The following KCNMA1 variants were observed in gnomAD, a reference collection of about 807,000 sequenced individuals.
KCNMA1 encodes Calcium-activated potassium channel subunit alpha-1.
In KCNMA1, 29 loss-of-function variants were observed where a neutral mutation model predicts 140.0. The observed-to-expected ratio is 0.21, with a 90% CI of 0.15 to 0.28. KCNMA1 has a LOEUF of 0.28. KCNMA1 is among the 10% of genes least tolerant of loss of function. KCNMA1 has a pLI of 1.00. For synonymous variants in KCNMA1, 612 were observed against 611.9 expected (o/e 1.00, Z 0.00); for missense variants, 880 against 1,602.2 (o/e 0.55, Z 7.70).
chr10:77,476,121 A>G (rs529978827), intron 1 of KCNMA1, among the ~76,000 whole-genome samples: 41 of 152,322 alleles, frequency 2.7e-4, no homozygotes, highest in African/African-American at 9.1e-4. Flanking sequence ...GCAGGAGAGC[A>G]AATGAGTCAA....
chr10:77,344,682 C>A (rs374574125), intron 2 of KCNMA1, among the ~76,000 whole-genome samples: 2 of 151,864 alleles, frequency 1.3e-5, no homozygotes, highest in African/African-American at 2.4e-5. Flanking sequence ...TTCACTAGTC[C>A]TCTCTATCAT....
At chr10:77,369,293 GAA>G (rs2094539488) in intron 2 of KCNMA1, among the ~76,000 whole-genome samples, 1 of 152,154 alleles carries the variant, frequency 6.6e-6, no homozygotes, top group African/African-American at 2.4e-5. Context: ...AAATGACAGT[GAA>G]GTCATCTGGG....
At chr10:77,430,797 A>G (rs956353009) in intron 1 of KCNMA1, among the ~76,000 whole-genome samples, 2 of 152,226 alleles carry the variant, frequency 1.3e-5, no homozygotes, top group African/African-American at 4.8e-5. Context: ...TCTTTGTATC[A>G]ATGCAATACA....
intron 9 of KCNMA1, among the ~76,000 whole-genome samples, chr10:77,101,476 G>A (rs78911051): frequency 1.4e-3 from 209 of 152,236 alleles, no homozygotes; most frequent in African/African-American, 2.7e-3. Flanking sequence ...TATAAAGATC[G>A]GTTATTGGGG....
At chr10:77,320,418 A>G (rs935277343) in intron 2 of KCNMA1, among the ~76,000 whole-genome samples, 4 of 152,248 alleles carry the variant, frequency 2.6e-5, no homozygotes, top group African/African-American at 9.6e-5. Context: ...ACCTAATTGG[A>G]ATGTGGCTCT....
chr10:77,163,207 T>C (rs1359790422), intron 5 of KCNMA1, among the ~76,000 whole-genome samples: 1 of 152,156 alleles, frequency 6.6e-6, no homozygotes, highest in Non-Finnish European at 1.5e-5. Context: ...TTAAAACAGC[T>C]AAAAAAATTA....
At chr10:77,042,039 G>C (rs1271788777) in intron 14 of KCNMA1, among the ~76,000 whole-genome samples, 1 of 152,114 alleles carries the variant, frequency 6.6e-6, no homozygotes, top group Non-Finnish European at 1.5e-5. Context: ...CTCAGTCTGG[G>C]CAATTAGATT....
intron 1 of KCNMA1, among the ~76,000 whole-genome samples, chr10:77,452,750 T>C (rs778386406): frequency 1.3e-5 from 2 of 152,232 alleles, no homozygotes; most frequent in Admixed American, 6.5e-5. Context: ...AGCCTCCATC[T>C]GCTTCTGATG....
rs1430185595 is a variant in KCNMA1 at position 77,037,925 on chromosome 10, A to G, written c.1859+1603T>C. ...TGCCTCTGAATGCTTAACTCCTCTC[A>G]GTGGCAGGAAGAGAAATAGCTCTCA... On this transcript the variant is annotated intron_variant, in intron 15 of 27. Coordinates refer to ENST00000286628, the MANE Select transcript of KCNMA1 (RefSeq NM_001161352.2). Among the ~76,000 whole-genome samples the G allele has an allele frequency of 2.6e-5, 4 of 152,306 alleles. No homozygotes were observed. In the East Asian group the frequency reaches 7.7e-4, roughly 29 times the overall value.
chr10:77,353,812 A>G (rs2154391902), intron 2 of KCNMA1, among the ~76,000 whole-genome samples: 1 of 152,350 alleles, frequency 6.6e-6, no homozygotes, highest in South Asian at 2.1e-4. Context: ...ATGACAGATT[A>G]GAACTCAGGG....
intron 14 of KCNMA1, among the ~76,000 whole-genome samples, chr10:77,048,063 G>A (rs999540543): frequency 2.0e-5 from 3 of 149,858 alleles, no homozygotes; most frequent in Non-Finnish European, 4.4e-5. Flanking sequence ...CAGGAGGATC[G>A]TTTGAGCCCA....
At chr10:77,565,096 C>A (rs1177282704) in intron 1 of KCNMA1, among the ~76,000 whole-genome samples, 2 of 152,156 alleles carry the variant, frequency 1.3e-5, no homozygotes, top group African/African-American at 4.8e-5. Flanking sequence ...AGTGGAAGCC[C>A]CATCAAGGGC....
At chr10:76,957,589 G>C (rs2068905387) in intron 20 of KCNMA1, among the ~76,000 whole-genome samples, 1 of 152,202 alleles carries the variant, frequency 6.6e-6, no homozygotes, top group Non-Finnish European at 1.5e-5. Flanking sequence ...GGGATACAGT[G>C]AGCATATGCA....
intron 1 of KCNMA1, among the ~76,000 whole-genome samples, chr10:77,408,265 G>C (rs151018403): frequency 1.3e-5 from 2 of 152,292 alleles, no homozygotes; most frequent in Non-Finnish European, 2.9e-5. Flanking sequence ...TAGCAAAGGG[G>C]ATATGCAGCC....
At chr10:77,088,498 T>C (rs1219058682) in intron 10 of KCNMA1, among the ~76,000 whole-genome samples, 1 of 152,096 alleles carries the variant, frequency 6.6e-6, no homozygotes, top group African/African-American at 2.4e-5. Context: ...GGTGCCATCT[T>C]GACTCACTGC....
intron 1 of KCNMA1, among the ~76,000 whole-genome samples, chr10:77,415,400 A>G (rs1314124261): frequency 6.6e-6 from 1 of 152,228 alleles, no homozygotes; most frequent in Admixed American, 6.5e-5. Context: ...AGGGTCCAAG[A>G]CAGCCTGCTG....
At chr10:76,920,798 T>A (rs1217177591) in intron 23 of KCNMA1, among the ~76,000 whole-genome samples, 1 of 152,198 alleles carries the variant, frequency 6.6e-6, no homozygotes, top group Non-Finnish European at 1.5e-5. Context: ...CTAGGTACTG[T>A]CCCTGGCAGG....
intron 1 of KCNMA1, among the ~76,000 whole-genome samples, chr10:77,517,864 C>T (rs2051156468): frequency 6.6e-6 from 1 of 152,050 alleles, no homozygotes; most frequent in South Asian, 2.1e-4. Flanking sequence ...AGGAAACAGG[C>T]GATAAGCCAA....
intron 2 of KCNMA1, among the ~76,000 whole-genome samples, chr10:77,295,224 A>G (rs11002111): frequency 0.37 from 55,894 of 151,066 alleles, 11,745 homozygotes; most frequent in African/African-American, 0.56. Context: ...GTGCATGCCT[A>G]TAATCCCAGC....
Sources: gnomAD v4.1 joint callset for allele counts (sites outside exome capture counted in the v4.1 genomes callset) on GRCh38, gnomAD v4.1.1 for gene constraint, MANE v1.5 for transcripts, NCBI Gene and HGNC (gene_info 2026-07-23, HGNC 2026-07-21) for gene names.